EYS: variants seen among roughly 807,000 people sequenced by gnomAD.
EYS encodes protein eyes shut homolog.
EYS carries 250 observed loss-of-function variants against 282.1 expected under a neutral mutation model. The ratio of observed to expected loss-of-function variants is 0.89; its 90% CI spans 0.80 to 0.98. The LOEUF is 0.98. EYS is among the 50% of genes least tolerant of loss of function. EYS has a pLI of 0.00. For missense variants in EYS, 4,016 were observed against 3,709.0 expected, an observed-to-expected ratio of 1.08 and a Z score of -2.15; for synonymous variants, 1,355 against 1,282.9, an observed-to-expected ratio of 1.06 and a Z score of -1.20.
intron 35 of EYS, among the ~76,000 whole-genome samples, chr6:63,951,445 A>G (rs1044902045): frequency 6.6e-6 from 1 of 151,978 alleles, no homozygotes; most frequent in African/African-American, 2.4e-5. Context: ...GACTTGTCCC[A>G]AATCCTCCTC....
At chr6:64,490,143 A>C (rs1170685422) in intron 26 of EYS, among the ~76,000 whole-genome samples, 1 of 150,934 alleles carries the variant, frequency 6.6e-6, no homozygotes, top group Non-Finnish European at 1.5e-5. Flanking sequence ...CCTTTTCATG[A>C]AAGTGGAAAT....
At chr6:65,588,423 T>C (rs1765127521) in intron 2 of EYS, among the ~76,000 whole-genome samples, 1 of 152,034 alleles carries the variant, frequency 6.6e-6, no homozygotes, top group African/African-American at 2.4e-5. Flanking sequence ...GCTGAGCCTC[T>C]TAAGACTGTG....
At chr6:63,963,129 G>A (rs1290495727) in intron 35 of EYS, among the ~76,000 whole-genome samples, 1 of 146,638 alleles carries the variant, frequency 6.8e-6, no homozygotes, top group African/African-American at 2.5e-5. Context: ...GGAAGGGGGA[G>A]GCGGGAGGGA....
chr6:64,229,435 T>C (rs915853609), intron 31 of EYS, among the ~76,000 whole-genome samples: 3 of 152,120 alleles, frequency 2.0e-5, no homozygotes, highest in Non-Finnish European at 4.4e-5. Context: ...GAATATAATA[T>C]AAATGGCCTT....
At chr6:64,369,351 C>T (rs1772277499) in intron 29 of EYS, among the ~76,000 whole-genome samples, 1 of 152,068 alleles carries the variant, frequency 6.6e-6, no homozygotes, top group African/African-American at 2.4e-5. Context: ...AATGTGATCA[C>T]TTCAGCTTTG....
chr6:65,683,788 G>GGACA (rs765821388), intron 1 of EYS, among the ~76,000 whole-genome samples: 6 of 151,950 alleles, frequency 3.9e-5, no homozygotes, highest in Admixed American at 6.6e-5. Context: ...ACTGGGTCTA[G>GGACA]GACATATACT....
At chr6:64,159,145 A>G (rs1461690908) in intron 31 of EYS, among the ~76,000 whole-genome samples, 1 of 152,230 alleles carries the variant, frequency 6.6e-6, no homozygotes, top group East Asian at 1.9e-4. Flanking sequence ...CACTATTTGC[A>G]TACAACCTAT....
chr6:64,784,674 T>C (rs1773964001), intron 22 of EYS, among the ~76,000 whole-genome samples: 1 of 152,220 alleles, frequency 6.6e-6, no homozygotes. Context: ...GTTGTTGTTG[T>C]TGTTGTTGTT....
At chr6:65,350,742 CAG>C (rs1562114568) in intron 9 of EYS, among the ~76,000 whole-genome samples, 1 of 151,596 alleles carries the variant, frequency 6.6e-6, no homozygotes, top group Non-Finnish European at 1.5e-5. Flanking sequence ...TGAAAAGAAA[CAG>C]TGCATGTCAG....
intron 31 of EYS, among the ~76,000 whole-genome samples, chr6:64,218,290 C>A (rs1364544692): frequency 2.0e-5 from 3 of 152,068 alleles, no homozygotes; most frequent in Non-Finnish European, 4.4e-5. Flanking sequence ...AAAAGCCTTA[C>A]AATCATGACT....
At chr6:64,641,307 T>C (rs1768142999) in intron 22 of EYS, among the ~76,000 whole-genome samples, 1 of 152,132 alleles carries the variant, frequency 6.6e-6, no homozygotes, top group Non-Finnish European at 1.5e-5. Context: ...TCATTCACTA[T>C]CACCAGAATA....
chr6:65,402,346 T>A (rs1053004750), intron 7 of EYS, 132 bp downstream of exon 7: 6 of 537,458 alleles, frequency 1.1e-5, no homozygotes, highest in Non-Finnish European at 1.6e-5. Flanking sequence ...AAATTTACTT[T>A]AACTTCAAAT....
At chr6:63,780,042 A>G (rs987176741) in intron 39 of EYS, among the ~76,000 whole-genome samples, 2 of 152,144 alleles carry the variant, frequency 1.3e-5, no homozygotes, top group Non-Finnish European at 2.9e-5. Context: ...ATGATGGTTT[A>G]CAGCTTCATC....
chr6:64,961,141 C>A (rs1769901723), intron 14 of EYS, among the ~76,000 whole-genome samples: 1 of 151,998 alleles, frequency 6.6e-6, no homozygotes, highest in Admixed American at 6.6e-5. Context: ...TATAATAGAA[C>A]AATTGATATT....
intron 36 of EYS, among the ~76,000 whole-genome samples, chr6:63,837,326 G>A (rs188771658): frequency 4.7e-4 from 72 of 151,714 alleles, no homozygotes; most frequent in Admixed American, 1.3e-3. Context: ...ATTTTGTTAC[G>A]GATTTTTTTT....
At chr6:64,047,952 C>T (rs1351932866) in intron 33 of EYS, among the ~76,000 whole-genome samples, 3 of 152,114 alleles carry the variant, frequency 2.0e-5, no homozygotes, top group African/African-American at 7.2e-5. Context: ...GTTGCTTAGG[C>T]TGGAGTGCAG....
At chr6:64,869,613 T>G (rs1766528767) in intron 19 of EYS, among the ~76,000 whole-genome samples, 1 of 151,586 alleles carries the variant, frequency 6.6e-6, no homozygotes, top group Admixed American at 6.6e-5. Context: ...GATATTTCTG[T>G]AGAAGAAACA....
At chr6:64,361,328 A>T (rs1289870680) in intron 29 of EYS, among the ~76,000 whole-genome samples, 1 of 151,734 alleles carries the variant, frequency 6.6e-6, no homozygotes, top group Non-Finnish European at 1.5e-5. Context: ...ATGGACAAGT[A>T]AACTGACTGC....
chr6:64,585,041 T>C (rs1005138788), intron 26 of EYS, among the ~76,000 whole-genome samples: 1 of 152,124 alleles, frequency 6.6e-6, no homozygotes, highest in Admixed American at 6.6e-5. Context: ...ATTACTGCAC[T>C]ATTCATAACA....
Sources: allele counts gnomAD v4.1 joint callset (sites outside exome capture counted in the v4.1 genomes callset), GRCh38; gene constraint gnomAD v4.1.1; transcripts MANE v1.5; gene names NCBI Gene and HGNC (gene_info 2026-07-23, HGNC 2026-07-21).